Variants in STAG1 observed in about 807,000 individuals in gnomAD.
The protein encoded by STAG1 is cohesin subunit SA-1.
Under a neutral mutation model 170.9 loss-of-function variants are expected in STAG1, and 26 were observed. That is an observed-to-expected ratio of 0.15 (90% CI 0.11 to 0.21). The LOEUF is 0.21. Ranked by LOEUF, STAG1 falls within the 10% of genes least tolerant of loss-of-function variation. The probability of loss-of-function intolerance (pLI) is 1.00; values close to 1 mark genes in which losing one functional copy is unlikely to be tolerated. For synonymous variants in STAG1, 514 were observed against 497.7 expected, an observed-to-expected ratio of 1.03 and a Z score of -0.44; for missense variants, 964 against 1,509.5, an observed-to-expected ratio of 0.64 and a Z score of 5.99.
intron 6 of STAG1, among the ~76,000 whole-genome samples, chr3:136,539,942 T>C (rs183093324): frequency 3.0e-3 from 457 of 152,258 alleles, no homozygotes; most frequent in African/African-American, 9.6e-3. Context: ...ATACAATATA[T>C]TAATTTTAAT....
chr3:136,728,067 G>C (rs1210792092), intron 1 of STAG1, among the ~76,000 whole-genome samples: 1 of 152,092 alleles, frequency 6.6e-6, no homozygotes, highest in Non-Finnish European at 1.5e-5. Flanking sequence ...GCTGAGACAG[G>C]GGAGCTGCTT....
At chr3:136,352,334 G>A (rs1312383897) in intron 28 of STAG1, among the ~76,000 whole-genome samples, 2 of 151,960 alleles carry the variant, frequency 1.3e-5, no homozygotes, top group East Asian at 1.9e-4. Flanking sequence ...GCTAATTTTT[G>A]TATTTGTGTA....
chr3:136,407,043 T>A (rs2087504191), intron 21 of STAG1, among the ~76,000 whole-genome samples: 1 of 152,222 alleles, frequency 6.6e-6, no homozygotes, highest in Non-Finnish European at 1.5e-5. Context: ...TTTTTTTTTT[T>A]GAGACAGAGT....
intron 6 of STAG1, among the ~76,000 whole-genome samples, chr3:136,527,638 T>A (rs912204195): frequency 1.3e-5 from 2 of 152,218 alleles, no homozygotes; most frequent in Non-Finnish European, 2.9e-5. Flanking sequence ...GGAGCTGTGT[T>A]CCTTTGGAGG....
At chr3:136,713,473 C>T (rs903920147) in intron 1 of STAG1, among the ~76,000 whole-genome samples, 2 of 151,816 alleles carry the variant, frequency 1.3e-5, no homozygotes, top group Non-Finnish European at 2.9e-5. Context: ...ATCCCAGCTA[C>T]TCGGGAGGCT....
At chr3:136,586,877 C>T (rs1164587128) in intron 4 of STAG1, 1 of 456,576 alleles carries the variant, frequency 2.2e-6, no homozygotes, top group African/African-American at 2.0e-5. Flanking sequence ...GACACTGCTT[C>T]TCTTTCTCTC....
intron 25 of STAG1, among the ~76,000 whole-genome samples, chr3:136,364,707 A>AT (rs1271124248): frequency 6.6e-6 from 1 of 152,152 alleles, no homozygotes; most frequent in Non-Finnish European, 1.5e-5. Flanking sequence ...GATTTAAATA[A>AT]TTTTTTCTGT....
In STAG1 at chr3:136,448,042, T is replaced by G. The variant is rs140579025; in HGVS notation, c.1428+3991A>C. ...CTAAAATACAAGGTATTTTGTCACCTGAAATCAATGACTGTCACAGGTTGA... is the reference window on the plus strand; with the variant it reads ...CTAAAATACAAGGTATTTTGTCACCGGAAATCAATGACTGTCACAGGTTGA... On this transcript the variant is annotated intron_variant, in intron 14 of 33. Coordinates refer to ENST00000383202, the MANE Select transcript of STAG1 (RefSeq NM_005862.3). Among the ~76,000 whole-genome samples, 980 of 152,286 alleles carry G rather than the reference T, an allele frequency of 6.4e-3. 12 individuals carry two copies. The highest frequency in any genetic ancestry group is 0.022 in the African/African-American group (931 of 41,554).
Position 136,464,916 on chromosome 3 carries a change from A to C in STAG1, c.1278T>G (p.Pro426=), listed in dbSNP as rs776768089. 6 of 1,612,450 alleles carry C rather than the reference A, an allele frequency of 3.7e-6. No individual in the cohort carries two copies. The highest frequency in any genetic ancestry group is 3.3e-5 in the Admixed American group (2 of 59,730). ...VYHLVYSAHR[P]VAVAAGEFLH... is the part of the protein sequence containing the mutation. ...GGAACTCTCCAGCTGCCACAGCAAC[A>C]GGGCGATGTGCCGAGTACACCAAGT... is the stretch of plus-strand genomic sequence containing the variant. The change falls in exon 13 of 34, where the codon CCT becomes CCG. Residue 426 remains proline (P), a synonymous_variant. Coordinates refer to ENST00000383202, the MANE Select transcript of STAG1 (RefSeq NM_005862.3).
chr3:136,497,084 T>G lies in STAG1; in HGVS notation c.902+3139A>C, dbSNP rs550919546. 2.0e-5 allele frequency among the ~76,000 whole-genome samples: 3 copies of G among 152,064 alleles called. No homozygotes were observed. The South Asian group carries it at 6.2e-4, about 32-fold the overall frequency. ...AACAGATAACCTCAACAGCCCTATA[T>G]CTACTGGAGAAAATTCATACTTAAA... On this transcript the variant is annotated intron_variant, in intron 9 of 33. Transcript: ENST00000383202.
At chr3:136,450,739 TGC>T in intron 14 of STAG1, among the ~76,000 whole-genome samples, 1 of 152,154 alleles carries the variant, frequency 6.6e-6, no homozygotes, top group Non-Finnish European at 1.5e-5. Flanking sequence ...CTATTTTGTT[TGC>T]TTATTTATTT....
At chr3:136,538,020 A>T (rs1201162699) in intron 6 of STAG1, among the ~76,000 whole-genome samples, 1 of 152,168 alleles carries the variant, frequency 6.6e-6, no homozygotes, top group Non-Finnish European at 1.5e-5. Flanking sequence ...TATTATTAAG[A>T]CTATTAAAAA....
intron 4 of STAG1, among the ~76,000 whole-genome samples, chr3:136,598,939 A>C (rs768387463): frequency 2.0e-5 from 3 of 152,080 alleles, no homozygotes; most frequent in Non-Finnish European, 4.4e-5. Flanking sequence ...TATCTTGCTC[A>C]CTCCTGAGAA....
chr3:136,578,649 A>G (rs1012654330), intron 4 of STAG1, among the ~76,000 whole-genome samples: 21 of 152,236 alleles, frequency 1.4e-4, no homozygotes, highest in African/African-American at 5.1e-4. Flanking sequence ...CAGACCTTTC[A>G]TGTATTAATA....
intron 21 of STAG1, among the ~76,000 whole-genome samples, chr3:136,400,211 C>G (rs566010598): frequency 4.9e-4 from 75 of 151,868 alleles, no homozygotes; most frequent in Non-Finnish European, 3.2e-4. Flanking sequence ...GTCTGAGCCA[C>G]GGTAACCAAT....
intron 32 of STAG1, among the ~76,000 whole-genome samples, chr3:136,340,210 A>G (rs1935912180): frequency 6.6e-6 from 1 of 152,114 alleles, no homozygotes; most frequent in African/African-American, 2.4e-5. Flanking sequence ...GCTAGATTGC[A>G]ATGGCACGAT....
intron 1 of STAG1, among the ~76,000 whole-genome samples, chr3:136,718,404 T>C (rs570557314): frequency 6.6e-6 from 1 of 152,332 alleles, no homozygotes; most frequent in South Asian, 2.1e-4. Context: ...TTTACACTGT[T>C]CTAAGGAGTG....
In STAG1 at chr3:136,704,271, G is replaced by A. The variant is rs532771845; in HGVS notation, c.-84+47924C>T. 1.8e-4 allele frequency among the ~76,000 whole-genome samples: 27 copies of A among 151,638 alleles called. 3 individuals are homozygous for A. Among genetic ancestry groups the A allele is most frequent in the African/African-American group, 2.7e-4 (11 of 41,426 alleles). ...TCACCATGTTGGCCAGGCTAGTCTCGAACCCCTGACCTCAGGTGATCCGCC... is the reference window on the plus strand; with the variant it reads ...TCACCATGTTGGCCAGGCTAGTCTCAAACCCCTGACCTCAGGTGATCCGCC... On this transcript the variant is annotated intron_variant, in intron 1 of 33. Coordinates refer to ENST00000383202, the MANE Select transcript of STAG1 (RefSeq NM_005862.3).
rs548322755 is a variant in STAG1, at chr3:136,722,864, G to C, written c.-84+29331C>G. Among the ~76,000 whole-genome samples the C allele has an allele frequency of 6.5e-3, 992 of 152,278 alleles. 11 individuals carry two copies. Among genetic ancestry groups the C allele is most frequent in the African/African-American group, 0.023 (943 of 41,552 alleles). ...GCGCCACCACGCCTGACTGGTTTTC[G>C]TATTTTTTTGGTGGAGACGGGGTTT... On this transcript the variant is annotated intron_variant, in intron 1 of 33. Transcript: ENST00000383202.
Sources: allele counts gnomAD v4.1 joint callset (sites outside exome capture counted in the v4.1 genomes callset), GRCh38; gene constraint gnomAD v4.1.1; transcripts MANE v1.5; gene names NCBI Gene and HGNC (gene_info 2026-07-23, HGNC 2026-07-21).